The following FLG variants were observed in gnomAD, a reference collection of about 807,000 sequenced individuals.
FLG encodes epidermal filaggrin.
In FLG, 6 loss-of-function variants were observed where a neutral mutation model predicts 3.8. The observed-to-expected ratio is 1.60, with a 90% CI of 0.87 to 3.15. The LOEUF (loss-of-function observed/expected upper bound fraction) is 3.15. FLG is among the 30% of genes most tolerant of loss of function. The pLI is 0.00. For synonymous variants in FLG, 2,551 were observed against 1,931.6 expected, an observed-to-expected ratio of 1.32 and a Z score of -8.41; for missense variants, 7,595 against 5,050.9, an observed-to-expected ratio of 1.50 and a Z score of -15.27.
At position 152,308,393 on chromosome 1, in the gene FLG, C is replaced by G. The variant is rs538310710; in HGVS notation, c.6493G>C (p.Gly2165Arg). The G allele has an allele frequency of 1.4e-4, 229 of 1,613,846 alleles. 1 individual carries two copies. In the South Asian group the frequency reaches 2.2e-3, roughly 16 times the overall value. ...GATGTGGTGTGGCTGTGATGAGACCCTGAGTGTCCAGACCTATCTACCGAT... is the reference window on the plus strand; with the variant it reads ...GATGTGGTGTGGCTGTGATGAGACCGTGAGTGTCCAGACCTATCTACCGAT... ...EQSVDRSGHS[G>R]SHHSHTTSQG... The change falls in exon 3 of 3, where the codon GGG becomes CGG. Residue 2165 changes from glycine (G) to arginine (R), a missense_variant. By Grantham distance (125) the Gly-to-Arg change is moderately radical. Coordinates refer to ENST00000368799, the MANE Select transcript of FLG (RefSeq NM_002016.2).
Position 152,302,590 on chromosome 1 carries a change from CA to C in FLG, c.*109del, listed in dbSNP as rs1651677279. 3.6e-6 allele frequency: 5 copies of C among 1,403,958 alleles called. No individual in the cohort carries two copies. The highest frequency in any genetic ancestry group is 2.5e-5 in the East Asian group (1 of 40,600). The allele number at this position is 1,403,958 out of a possible 1,614,324, so 87.0% of individuals were successfully genotyped here. On this transcript the variant is annotated 3_prime_UTR_variant, in exon 3 of 3. Transcript: ENST00000368799. ...ATGAAATACTATAGCATATTTTAAA[CA>C]GATTGACAGGAAAAGATAACTTCCC...
rs750640524 is a variant in FLG at position 152,310,536 on chromosome 1, C to G, written c.4350G>C (p.Gln1450His). 1.9e-6 allele frequency: 3 copies of G among 1,613,768 alleles called. No individual in the cohort carries two copies. The highest frequency in any genetic ancestry group is 1.7e-5 in the Admixed American group (1 of 59,978). Reference sequence around the variant, plus strand: ...CAGTCTGTCCGTGTGTGGACTCAGACTGTTCATGAGAGCTCACCTGGTAGA... The same window carrying G: ...CAGTCTGTCCGTGTGTGGACTCAGAGTGTTCATGAGAGCTCACCTGGTAGA... Reference protein sequence around the residue: ...SFLYQVSSHEQSESTHGQTAP... With the variant: ...SFLYQVSSHEHSESTHGQTAP... The change falls in exon 3 of 3, where the codon CAG (glutamine) becomes CAC (histidine). Residue 1450 changes from glutamine to histidine, a missense_variant. Gln to His is a conservative substitution (Grantham distance 24, BLOSUM62 0). Coordinates refer to ENST00000368799, the MANE Select transcript of FLG (RefSeq NM_002016.2).
chr1:152,309,264 T>C lies in FLG; in HGVS notation c.5622A>G (p.Ser1874=). 6.2e-7 allele frequency: 1 copy of C among 1,613,820 alleles called. No individual in the cohort carries two copies. The highest frequency in any genetic ancestry group is 2.2e-5 in the East Asian group (1 of 44,794). ...VSRQTRNEKQ[S]GDGSRHSGSR... ...ACCCTGAGTGCCTGGAGCCGTCTCC[T>C]GATTGTTTCTCATTACGTGTTTGTC... Residue 1874 remains serine (S), a synonymous_variant, in exon 3 of 3, where the codon TCA becomes TCG. Transcript: ENST00000368799.
rs755843828 is a variant in FLG, at chr1:152,303,691, C to T, written c.11195G>A (p.Gly3732Glu). ...CTCGTGGCGGGATCCTTGTCTTCCT[C>T]CAGTACTGGGCCCAGCCCGTCCATG... ...SAHGRAGPST[G>E]GRQGSRHEQA... The change falls in exon 3 of 3, where the codon GGA becomes GAA. Residue 3732 changes from glycine (G) to glutamate (E), a missense_variant. Physicochemically the swap from Gly to Glu is moderately conservative, Grantham distance 98 (BLOSUM62 -2). Transcript: ENST00000368799. The T allele has an allele frequency of 1.1e-5, 17 of 1,614,066 alleles. No homozygotes were observed. Among genetic ancestry groups the T allele is most frequent in the Non-Finnish European group, 1.3e-5 (15 of 1,179,978 alleles).
rs1387283036 is a variant in FLG at position 152,313,530 on chromosome 1, C to T, written c.1356G>A (p.Glu452=). The change falls in exon 3 of 3, where the codon GAG becomes GAA. Residue 452 remains glutamate, a synonymous_variant. Coordinates refer to ENST00000368799, the MANE Select transcript of FLG (RefSeq NM_002016.2). ...KAGLRQQSHQ[E]STRGRSGERS... is the part of the protein sequence containing the mutation. ...GTTCCCCTGACCGGCCACGTGTGGA[C>T]TCTTGGTGGCTCTGCTGTCTCAGCC... 1.9e-6 allele frequency: 3 copies of T among 1,613,416 alleles called. No homozygotes were observed. The highest frequency in any genetic ancestry group is 4.5e-5 in the East Asian group (2 of 44,810).
rs1185702824 is a variant in FLG at position 152,313,494 on chromosome 1, A to T, written c.1392T>A (p.Arg464=). The T allele has an allele frequency of 6.2e-7, 1 of 1,612,996 alleles. No individual in the cohort carries two copies. The highest frequency in any genetic ancestry group is 8.5e-7 in the Non-Finnish European group (1 of 1,179,790). ...TCACCTGGTAGAGGGAAGACCCTGA[A>T]CGTCCAGACCGTTCCCCTGACCGGC... ...TRGRSGERSG[R]SGSSLYQVST... is the part of the protein sequence containing the mutation. Residue 464 remains arginine, a synonymous_variant, in exon 3 of 3, where the codon CGT becomes CGA. Coordinates refer to ENST00000368799, the MANE Select transcript of FLG (RefSeq NM_002016.2).
At position 152,311,212 on chromosome 1, in the gene FLG, TG is replaced by T. The variant is rs759133376; in HGVS notation, c.3673del (p.Gln1225AsnfsTer221). Reference sequence around the variant, plus strand: ...TGAGTGCCTGGAGCCGTCTCCTGATTGTTTGTCCTTACGAGTTTGTCTGCTT... The same window carrying T: ...TGAGTGCCTGGAGCCGTCTCCTGATTTTTGTCCTTACGAGTTTGTCTGCTT... ...SASRQTRKDKQSGDGSRHSGS... is the reference protein window; with the variant it reads ...SASRQTRKDKXSGDGSRHSGS... On this transcript the variant is annotated frameshift_variant, in exon 3 of 3. Transcript: ENST00000368799. LOFTEE classifies it low-confidence loss of function (END_TRUNC). The T allele has an allele frequency of 2.3e-5, 37 of 1,613,664 alleles. No individual in the cohort carries two copies. Among genetic ancestry groups the T allele is most frequent in the Non-Finnish European group, 3.1e-5 (37 of 1,179,956 alleles).
rs769748998 is a variant in FLG, at chr1:152,309,668, C to G, written c.5218G>C (p.Ala1740Pro). 1.9e-6 allele frequency: 3 copies of G among 1,613,850 alleles called. 1 individual carries two copies. The African/African-American group carries it at 4.0e-5, about 22-fold the overall frequency. Residue 1740 changes from alanine (A) to proline (P), a missense_variant, in exon 3 of 3, where the codon GCT (alanine) becomes CCT (proline). Transcript: ENST00000368799. ...DTQSVSAHGQ[A>P]GPHQQSHQES... ...TGGTGGCTCTGCTGATGGGGCCCAG[C>G]CTGTCCGTGGGCTGACACTGACTGT...
Position 152,305,381 on chromosome 1 carries a change from C to G in FLG, c.9505G>C (p.Glu3169Gln), listed in dbSNP as rs780412683. The G allele has an allele frequency of 1.2e-6, 2 of 1,607,448 alleles. No individual in the cohort carries two copies. The highest frequency in any genetic ancestry group is 1.7e-6 in the Non-Finnish European group (2 of 1,179,078). ...RSASRTTRNE[E>Q]QSGDSSRHSV... The stretch of plus-strand genomic sequence containing the variant: ...TGCCTGGAGCTGTCTCCTGATTGTT[C>G]CTCATTACGTGTTGTTCTGCTTGCA... Residue 3169 changes from glutamate (E) to glutamine (Q), a missense_variant, in exon 3 of 3, where the codon GAA becomes CAA. By Grantham distance (29) the Glu-to-Gln change is conservative (BLOSUM62 2). Coordinates refer to ENST00000368799, the MANE Select transcript of FLG (RefSeq NM_002016.2).
Position 152,313,060 on chromosome 1 carries a change from G to A in FLG, c.1826C>T (p.Ser609Leu), listed in dbSNP as rs145119819. 55 of 1,613,740 alleles carry A rather than the reference G, an allele frequency of 3.4e-5. No individual in the cohort carries two copies. Among genetic ancestry groups the A allele is most frequent in the Non-Finnish European group, 4.4e-5 (52 of 1,179,974 alleles). Residue 609 changes from serine (S) to leucine (L), a missense_variant, in exon 3 of 3, where the codon TCG (serine) becomes TTG (leucine). Coordinates refer to ENST00000368799, the MANE Select transcript of FLG (RefSeq NM_002016.2). Reference sequence around the variant, plus strand: ...CTGGTTCCTACTTGTCCTGGGCCCCGATGATTGTCCCTGGCCCACCTGTGA... The same window carrying A: ...CTGGTTCCTACTTGTCCTGGGCCCCAATGATTGTCCCTGGCCCACCTGTGA... ...RHSQVGQGQS[S>L]GPRTSRNQGS...
chr1:152,304,473 T>A lies in FLG; in HGVS notation c.10413A>T (p.Gly3471=). The change falls in exon 3 of 3, where the codon GGA becomes GGT. Residue 3471 remains glycine (G), a synonymous_variant. Transcript: ENST00000368799. The part of the protein sequence containing the change: ...GSHHSHTTSQ[G]RSDASRGQSG... ...ACTGCCCACGGGAGGCATCAGACCT[T>A]CCCTGGGATGTGGTGTGGCTGTGAT... is the stretch of plus-strand genomic sequence containing the variant. The A allele has an allele frequency of 2.5e-6, 4 of 1,612,754 alleles. No homozygotes were observed. Among genetic ancestry groups the A allele is most frequent in the Non-Finnish European group, 3.4e-6 (4 of 1,179,608 alleles).
chr1:152,309,922 G>T lies in FLG; in HGVS notation c.4964C>A (p.Thr1655Asn), dbSNP rs768667496. 9 of 1,614,148 alleles carry T rather than the reference G, an allele frequency of 5.6e-6. No homozygotes were observed. In the African/African-American group the frequency reaches 8.0e-5, roughly 14 times the overall value. ...HSAESSRQSG[T>N]RHAETSSGGQ... ...ACCAGAGGAAGTCTCTGCATGACGAGTGCCTGATTGTCTGGAGCTCTCTGC... is the reference window on the plus strand; with the variant it reads ...ACCAGAGGAAGTCTCTGCATGACGATTGCCTGATTGTCTGGAGCTCTCTGC... Residue 1655 changes from threonine (T) to asparagine (N), a missense_variant, in exon 3 of 3, where the codon ACT (threonine) becomes AAT (asparagine). Physicochemically the swap from Thr to Asn is moderately conservative, Grantham distance 65 (BLOSUM62 0). Coordinates refer to ENST00000368799, the MANE Select transcript of FLG (RefSeq NM_002016.2).
At position 152,302,830 on chromosome 1, in the gene FLG, G is replaced by T; in HGVS notation, c.12056C>A (p.Ala4019Glu). The T allele has an allele frequency of 2.5e-6, 4 of 1,614,048 alleles. No individual in the cohort carries two copies. The highest frequency in any genetic ancestry group is 3.4e-6 in the Non-Finnish European group (4 of 1,179,980). ...KERSDICKAS[A>E]FGKDHPRYYA... ...ATACCTTGGATGATCTTTACCAAAC[G>T]CACTTGCTTTACAGATATCAGATCT... The change falls in exon 3 of 3, where the codon GCG becomes GAG. Residue 4019 changes from alanine to glutamate, a missense_variant. Transcript: ENST00000368799.
rs139318679 is a variant in FLG at position 152,309,985 on chromosome 1, C to G, written c.4901G>C (p.Arg1634Thr). ...EQSRHGSRNP[R>T]SHQEDRASHG... ...ACTGGCTCTATCTTCTTGATGGGAC[C>G]TGGGGTTCCTGGAGCCATGTCTTGA... Residue 1634 changes from arginine to threonine, a missense_variant, in exon 3 of 3, where the codon AGG becomes ACG. Arg to Thr is a moderately conservative substitution (Grantham distance 71). Transcript: ENST00000368799. 8.1e-4 allele frequency: 1,307 copies of G among 1,614,024 alleles called. 7 individuals are homozygous for G. Among genetic ancestry groups the G allele is most frequent in the South Asian group, 5.0e-3 (454 of 91,054 alleles).
In FLG at chr1:152,304,808, G is replaced by C; in HGVS notation, c.10078C>G (p.Gln3360Glu). The C allele has an allele frequency of 6.2e-7, 1 of 1,613,924 alleles. No homozygotes were observed. Among genetic ancestry groups the C allele is most frequent in the Non-Finnish European group, 8.5e-7 (1 of 1,179,994 alleles). The part of the protein sequence containing the change: ...SDTQSVSGHG[Q>E]AGPHQQSHQE... ...TGGCTCTGCTGATGGGGCCCAGCCT[G>C]TCCATGGCCTGACACTGACTGTGTG... Residue 3360 changes from glutamine to glutamate, a missense_variant, in exon 3 of 3, where the codon CAG (glutamine) becomes GAG (glutamate). Transcript: ENST00000368799.
intron 1 of FLG, among the ~76,000 whole-genome samples, chr1:152,321,337 C>G (rs967802831): frequency 1.3e-5 from 2 of 150,676 alleles, no homozygotes; most frequent in African/African-American, 4.9e-5. Context: ...ATAAAGATAA[C>G]TAAAATTAAT....
At chr1:152,323,018 T>A (rs2101659225) in intron 1 of FLG, among the ~76,000 whole-genome samples, 1 of 151,660 alleles carries the variant, frequency 6.6e-6, no homozygotes, top group African/African-American at 2.4e-5. Flanking sequence ...GCTAAACAAA[T>A]GGAATGATAA....
At position 152,304,778 on chromosome 1, in the gene FLG, C is replaced by G. The variant is rs1651836190; in HGVS notation, c.10108G>C (p.Glu3370Gln). The G allele has an allele frequency of 6.2e-7, 1 of 1,613,824 alleles. No individual in the cohort carries two copies. The highest frequency in any genetic ancestry group is 8.5e-7 in the Non-Finnish European group (1 of 1,179,940). Residue 3370 changes from glutamate to glutamine, a missense_variant, in exon 3 of 3, where the codon GAG becomes CAG. Transcript: ENST00000368799. ...CCCCCTGACCGGTCACGTGCGGACT[C>G]TTGGTGGCTCTGCTGATGGGGCCCA... ...QAGPHQQSHQESARDRSGGRS... is the reference protein window; with the variant it reads ...QAGPHQQSHQQSARDRSGGRS...
Position 152,307,207 on chromosome 1 carries a change from C to T in FLG, c.7679G>A (p.Ser2560Asn). 1 of 1,612,876 alleles carries T rather than the reference C, an allele frequency of 6.2e-7. No homozygotes were observed. The highest frequency in any genetic ancestry group is 8.5e-7 in the Non-Finnish European group (1 of 1,180,010). The change falls in exon 3 of 3, where the codon AGC becomes AAC. Residue 2560 changes from serine to asparagine, a missense_variant. Ser to Asn is a conservative substitution (Grantham distance 46). Transcript: ENST00000368799. ...GCTAAAACTGGATCCCCAGTTCCTGCTTGTCCTGGGCCCCTCTGATTGTCC... is the reference window on the plus strand; with the variant it reads ...GCTAAAACTGGATCCCCAGTTCCTGTTTGTCCTGGGCCCCTCTGATTGTCC... ...GQGQSEGPRT[S>N]RNWGSSFSQD...
Sources: gnomAD v4.1 joint callset for allele counts (sites outside exome capture counted in the v4.1 genomes callset) on GRCh38, gnomAD v4.1.1 for gene constraint, MANE v1.5 for transcripts, NCBI Gene and HGNC (gene_info 2026-07-23, HGNC 2026-07-21) for gene names.